U2AF2: variants seen among roughly 807,000 people sequenced by gnomAD.
U2AF2 encodes splicing factor U2AF 65 kDa subunit.
A neutral mutation model predicts 52.6 loss-of-function variants in U2AF2; 6 were observed. That is an observed-to-expected ratio of 0.11 (90% CI 0.06 to 0.23). The LOEUF (loss-of-function observed/expected upper bound fraction) is 0.23. U2AF2 is among the 10% of genes least tolerant of loss of function. The probability of loss-of-function intolerance (pLI) is 1.00; values close to 1 mark genes in which losing one functional copy is unlikely to be tolerated. For synonymous variants in U2AF2, 284 were observed against 258.2 expected (o/e 1.10, Z -0.96); for missense variants, 222 against 677.1 (o/e 0.33, Z 7.46).
Position 55,655,173 on chromosome 19 carries a change from GGGGCGGAGGTGT to G in U2AF2, c.49+27_49+38del, listed in dbSNP as rs1983692405. 1 of 1,600,130 alleles carries G rather than the reference GGGGCGGAGGTGT, an allele frequency of 6.2e-7. No homozygotes were observed. Among genetic ancestry groups the G allele is most frequent in the South Asian group, 1.1e-5 (1 of 90,308 alleles). Reference sequence around the variant, plus strand: ...AACAAGGTGAGGGCACCGGGGTCGCGGGGCGGAGGTGTGGGCGGCTCCTCGCGTCGCTCTTTG... The same window carrying G: ...AACAAGGTGAGGGCACCGGGGTCGCGGGGCGGCTCCTCGCGTCGCTCTTTG... On this transcript the variant is annotated intron_variant, in intron 1 of 11. Coordinates refer to ENST00000308924, the MANE Select transcript of U2AF2 (RefSeq NM_007279.3).
chr19:55,668,614 G>GGCCCC lies in U2AF2; in HGVS notation c.822+28_822+29insGCCCC. The GGCCCC allele has an allele frequency of 3.0e-6, 4 of 1,324,162 alleles. No individual in the cohort carries two copies. Among genetic ancestry groups the GGCCCC allele is most frequent in the Non-Finnish European group, 4.2e-6 (4 of 945,440 alleles). 82.0% of individuals were successfully genotyped at this position (1,324,162 alleles called of 1,614,324 possible). A position where few individuals can be genotyped will look rare whatever the true frequency, so the allele number is the denominator to read the frequency against. ...AACTTCCCTGCCTCCCTCCAGACCCGTCCCCCCACCCCGCCCCACCTCATC... is the reference window on the plus strand; with the variant it reads ...AACTTCCCTGCCTCCCTCCAGACCCGGCCCCTCCCCCCACCCCGCCCCACCTCATC... On this transcript the variant is annotated intron_variant, in intron 8 of 11. Coordinates refer to ENST00000308924, the MANE Select transcript of U2AF2 (RefSeq NM_007279.3). This position sits in a 1 kb window ranked among gnomAD's most constrained non-coding sequence, Gnocchi z 5.5.
chr19:55,662,375 C>G (rs1458972994), intron 5 of U2AF2, 127 bp from the exon 6 acceptor site: 3 of 170,202 alleles, frequency 1.8e-5, no homozygotes, highest in South Asian at 1.9e-4. Flanking sequence ...TCCTTCCCCC[C>G]CTCCTCCCTC....
intron 1 of U2AF2, 197 bp from the exon 2 acceptor site, chr19:55,659,013 C>T: frequency 1.2e-6 from 1 of 822,418 alleles, no homozygotes. Flanking sequence ...TTTCCAGGCC[C>T]CGTCCCCCTG....
chr19:55,659,387 G>A, intron 2 of U2AF2, 42 bp downstream of exon 2: 1 of 1,441,648 alleles, frequency 6.9e-7, no homozygotes, highest in Non-Finnish European at 9.2e-7. Flanking sequence ...CTGGGAGTCG[G>A]GGGGTCGGTG....
intron 11 of U2AF2, among the ~76,000 whole-genome samples, chr19:55,672,568 G>A (rs1984987556): frequency 6.6e-6 from 1 of 151,996 alleles, no homozygotes; most frequent in South Asian, 2.1e-4. Context: ...AGATTGCTCA[G>A]TGTTCCCTGG....
At chr19:55,670,953 G>A (rs1041314067) in intron 11 of U2AF2, among the ~76,000 whole-genome samples, 2 of 152,190 alleles carry the variant, frequency 1.3e-5, no homozygotes, top group Non-Finnish European at 2.9e-5. Flanking sequence ...CCGGGAGCTG[G>A]CAGGGTTGGT....
intron 11 of U2AF2, 82 bp from the exon 12 acceptor site, chr19:55,673,852 C>T: frequency 1.3e-6 from 2 of 1,529,580 alleles, no homozygotes; most frequent in East Asian, 2.3e-5. Flanking sequence ...CCCTTCCTGC[C>T]TTCAGTGCTG....
intron 11 of U2AF2, 86 bp downstream of exon 11, chr19:55,669,778 C>T (rs537383131): frequency 9.2e-5 from 134 of 1,464,310 alleles, no homozygotes; most frequent in Admixed American, 3.3e-4. Flanking sequence ...GCTCCCTCAC[C>T]CTCTCCCCCT....
At chr19:55,670,974 C>T (rs760530593) in intron 11 of U2AF2, among the ~76,000 whole-genome samples, 3 of 152,134 alleles carry the variant, frequency 2.0e-5, no homozygotes, top group Non-Finnish European at 4.4e-5. Flanking sequence ...CTTGCCAAAG[C>T]GATGCCACAG....
rs181787077 is a variant in U2AF2, at chr19:55,668,807, G to A, written c.945+15G>A. ...TCACGGATCAGGTGAGTCCCCGGTCGCTGGCCGCTGCCGCGTCTGTCCTTC... is the reference window on the plus strand; with the variant it reads ...TCACGGATCAGGTGAGTCCCCGGTCACTGGCCGCTGCCGCGTCTGTCCTTC... On this transcript the variant is annotated intron_variant, in intron 9 of 11. Transcript: ENST00000308924. This position sits in a 1 kb window ranked among gnomAD's most constrained non-coding sequence, Gnocchi z 5.5. 3.2e-5 allele frequency: 52 copies of A among 1,603,782 alleles called. 1 individual carries two copies. The East Asian group carries it at 6.7e-4, about 21-fold the overall frequency.
chr19:55,671,390 G>T (rs1173072370), intron 11 of U2AF2: 5 of 142,506 alleles, frequency 3.5e-5, no homozygotes, highest in African/African-American at 1.3e-4. Context: ...CTTGTCGGGG[G>T]TGAGCGGGGG....
At chr19:55,669,753 CT>C in intron 11 of U2AF2, 61 bp downstream of exon 11, 1 of 1,505,752 alleles carries the variant, frequency 6.6e-7, no homozygotes, top group Non-Finnish European at 8.9e-7. Flanking sequence ...TCCGCGCCCT[CT>C]TTCTTCCTCT....
At chr19:55,670,661 A>T in intron 11 of U2AF2, 1 of 242,022 alleles carries the variant, frequency 4.1e-6, no homozygotes, top group Non-Finnish European at 8.3e-6. Context: ...TGAGCAGGTG[A>T]GTGAGCGAGG....
intron 11 of U2AF2, 100 bp from the exon 12 acceptor site, chr19:55,673,834 C>T (rs1016373711): frequency 4.7e-5 from 70 of 1,492,604 alleles, no homozygotes; most frequent in South Asian, 2.7e-5. Context: ...AAGCCCCCTC[C>T]TCCCTGTCCC....
intron 3 of U2AF2, 75 bp downstream of exon 3, chr19:55,660,296 C>G: frequency 6.6e-7 from 1 of 1,525,298 alleles, no homozygotes; most frequent in Non-Finnish European, 8.9e-7. Context: ...CACCCTGTCC[C>G]GCCCATTTCC....
At chr19:55,658,615 C>T (rs547179544) in intron 1 of U2AF2, among the ~76,000 whole-genome samples, 14 of 152,130 alleles carry the variant, frequency 9.2e-5, no homozygotes, top group Non-Finnish European at 1.8e-4. Context: ...GGCCTCTTTC[C>T]CCTTCAGTCT....
intron 1 of U2AF2, 191 bp from the exon 2 acceptor site, chr19:55,659,019 C>T (rs1050662010): frequency 5.7e-6 from 5 of 882,430 alleles, no homozygotes; most frequent in Non-Finnish European, 7.7e-6. Context: ...GGCCCCGTCC[C>T]CCTGGTCCCC....
rs1047450431 is a variant in U2AF2 at position 55,660,098 on chromosome 19, C to T, written c.186-79C>T. 6 of 1,429,612 alleles carry T rather than the reference C, an allele frequency of 4.2e-6. No individual in the cohort carries two copies. In the African/African-American group the frequency reaches 8.5e-5, roughly 20 times the overall value. The allele number at this position is 1,429,612 out of a possible 1,614,324, so 88.6% of individuals were successfully genotyped here. A position where few individuals can be genotyped will look rare whatever the true frequency, so the allele number is the denominator to read the frequency against. On this transcript the variant is annotated intron_variant, in intron 2 of 11. Transcript: ENST00000308924. ...CCTGCTCCCACCCTGGGGCTCAGTG[C>T]CCTTGGGGGGGTGTGGCATGTGGGG...
Position 55,668,999 on chromosome 19 carries a change from C to G in U2AF2, c.946-84C>G. ...CCTTCCCCTCTTCCCCCACCAATGC[C>G]CCGGCTTGGGGGTAGGTGTCGGGCT... is the stretch of plus-strand genomic sequence containing the variant. On this transcript the variant is annotated intron_variant, in intron 9 of 11. Transcript: ENST00000308924. This position sits in a 1 kb window ranked among gnomAD's most constrained non-coding sequence, Gnocchi z 5.5. 9 of 1,526,834 alleles carry G rather than the reference C, an allele frequency of 5.9e-6. No individual in the cohort carries two copies. The South Asian group carries it at 8.3e-5, about 14-fold the overall frequency. 94.6% of individuals were successfully genotyped at this position (1,526,834 alleles called of 1,614,324 possible).
Sources: allele counts gnomAD v4.1 joint callset (sites outside exome capture counted in the v4.1 genomes callset), GRCh38; gene constraint gnomAD v4.1.1; non-coding constraint Gnocchi (gnomAD v3.1); transcripts MANE v1.5; gene names NCBI Gene and HGNC (gene_info 2026-07-23, HGNC 2026-07-21).